Variants in TSC22D1 observed in about 807,000 individuals in gnomAD.
TSC22D1 encodes the protein TSC22 domain family member 1.
A neutral mutation model predicts 74.2 loss-of-function variants in TSC22D1; 9 were observed. The ratio of observed to expected loss-of-function variants is 0.12; its 90% confidence interval spans 0.07 to 0.21. The LOEUF (loss-of-function observed/expected upper bound fraction) is 0.21. Among genes scored for constraint, TSC22D1 ranks in the 10% least tolerant of loss-of-function variants. The pLI is 1.00. For missense variants in TSC22D1, 1,427 were observed against 1,304.7 expected, an observed-to-expected ratio of 1.09 and a Z score of -1.44; for synonymous variants, 586 against 492.5, an observed-to-expected ratio of 1.19 and a Z score of -2.51.
chr13:44,464,947 T>A (rs1393807959), intron 1 of TSC22D1, among the ~76,000 whole-genome samples: 2 of 151,958 alleles, frequency 1.3e-5, no homozygotes, highest in Non-Finnish European at 2.9e-5. Flanking sequence ...GTGTATTTTT[T>A]AATACCTACC....
rs770844157 is a variant in TSC22D1, at chr13:44,576,099, G to A, written c.-25C>T. ...TTGTGTTGGGTACCGGGGGCGCGGA[G>A]GAGACGAGTGCAATTTCCTTCTGCA... On this transcript the variant is annotated 5_prime_UTR_variant, in exon 1 of 3. Coordinates refer to ENST00000458659, the MANE Select transcript of TSC22D1 (RefSeq NM_183422.4). 4 of 1,492,252 alleles carry A rather than the reference G, an allele frequency of 2.7e-6. No homozygotes were observed. The highest frequency in any genetic ancestry group is 2.4e-5 in the East Asian group (1 of 41,624). The allele number at this position is 1,492,252 out of a possible 1,614,324, so 92.4% of individuals were successfully genotyped here.
Position 44,452,446 on chromosome 13 carries a change from G to A in TSC22D1, c.2913-16351C>T, listed in dbSNP as rs141139910. 2.9e-3 allele frequency among the ~76,000 whole-genome samples: 449 copies of A among 152,304 alleles called. 3 individuals carry two copies. The highest frequency in any genetic ancestry group is 9.5e-3 in the African/African-American group (393 of 41,570). On this transcript the variant is annotated intron_variant, in intron 1 of 2. Transcript: ENST00000458659. ...GTGGATGACACCCTACAGTGGGCAC[G>A]AGGGTGAGGGCAATCATATTTGCCA...
chr13:44,545,659 A>C (rs1053488109), intron 1 of TSC22D1, among the ~76,000 whole-genome samples: 1 of 151,660 alleles, frequency 6.6e-6, no homozygotes, highest in Non-Finnish European at 1.5e-5. Flanking sequence ...CGTTCATAAG[A>C]GTGCACTTAG....
intron 1 of TSC22D1, among the ~76,000 whole-genome samples, chr13:44,453,277 G>C (rs1876302345): frequency 1.4e-5 from 1 of 72,290 alleles, no homozygotes; most frequent in Non-Finnish European, 2.8e-5. Flanking sequence ...GCCACTCCTC[G>C]TTTCTGCTTA....
chr13:44,446,520 C>T (rs1262327393), intron 1 of TSC22D1, among the ~76,000 whole-genome samples: 3 of 152,084 alleles, frequency 2.0e-5, no homozygotes, highest in Non-Finnish European at 2.9e-5. Flanking sequence ...GGCTGAAAGG[C>T]TACCTATGAG....
At chr13:44,540,748 A>G (rs1566162171) in intron 1 of TSC22D1, among the ~76,000 whole-genome samples, 1 of 152,326 alleles carries the variant, frequency 6.6e-6, no homozygotes, top group African/African-American at 2.4e-5. Flanking sequence ...ATAGGAATAA[A>G]TAAGAGAAGG....
At chr13:44,452,093 G>C (rs1008194887) in intron 1 of TSC22D1, among the ~76,000 whole-genome samples, 2 of 152,310 alleles carry the variant, frequency 1.3e-5, no homozygotes, top group African/African-American at 4.8e-5. Context: ...CGACTTGACA[G>C]AAGAGGAGAA....
At chr13:44,452,070 C>G (rs945491253) in intron 1 of TSC22D1, among the ~76,000 whole-genome samples, 6 of 152,196 alleles carry the variant, frequency 3.9e-5, no homozygotes, top group Admixed American at 3.3e-4. Context: ...TTGCTAGAGA[C>G]ACAAGCTTAG....
chr13:44,444,524 G>T (rs1875482128), intron 1 of TSC22D1, among the ~76,000 whole-genome samples: 2 of 151,640 alleles, frequency 1.3e-5, no homozygotes, highest in South Asian at 4.2e-4. Context: ...GAAAGCTGAG[G>T]TGGCTATATT....
intron 1 of TSC22D1, among the ~76,000 whole-genome samples, chr13:44,521,572 A>G (rs1221075468): frequency 6.6e-6 from 1 of 151,958 alleles, no homozygotes; most frequent in East Asian, 1.9e-4. Context: ...TAAAGGGGGT[A>G]TATGTTGTGA....
intron 1 of TSC22D1, among the ~76,000 whole-genome samples, chr13:44,511,949 CA>C (rs1402394389): frequency 1.3e-5 from 2 of 152,242 alleles, no homozygotes; most frequent in African/African-American, 4.8e-5. Flanking sequence ...CCAATGCTCC[CA>C]AAAGTTGTAC....
chr13:44,531,364 A>T (rs2138064891), intron 1 of TSC22D1, among the ~76,000 whole-genome samples: 1 of 152,320 alleles, frequency 6.6e-6, no homozygotes, highest in South Asian at 2.1e-4. Flanking sequence ...CAAATGCATT[A>T]TCAATGGTGT....
At chr13:44,483,488 C>A (rs1194837624) in intron 1 of TSC22D1, among the ~76,000 whole-genome samples, 2 of 151,854 alleles carry the variant, frequency 1.3e-5, no homozygotes, top group African/African-American at 4.8e-5. Context: ...AGTGAAACGC[C>A]GTCTCTACTA....
chr13:44,574,637 A>G lies in TSC22D1; in HGVS notation c.1438T>C (p.Tyr480His). The G allele has an allele frequency of 6.2e-7, 1 of 1,614,032 alleles. No individual in the cohort carries two copies. Among genetic ancestry groups the G allele is most frequent in the Non-Finnish European group, 8.5e-7 (1 of 1,180,020 alleles). The change falls in exon 1 of 3, where the codon TAT becomes CAT. Residue 480 changes from tyrosine to histidine, a missense_variant. Tyr to His is a moderately conservative substitution (Grantham distance 83). Around this residue, in one of 3 missense-constraint regions of TSC22D1, gnomAD observed 1,343 missense variants for 1,191.5 expected, o/e 1.13. Coordinates refer to ENST00000458659, the MANE Select transcript of TSC22D1 (RefSeq NM_183422.4). ...TCTCCACTTCCCACACTCTCTGTAT[A>G]GTGACTCAGTGTGCTGACACTACTG... is the stretch of plus-strand genomic sequence containing the variant. ...VSSSVSTLSH[Y>H]TESVGSGEMG... is the part of the protein sequence containing the mutation.
rs143299752 is a variant in TSC22D1 at position 44,573,805 on chromosome 13, C to T, written c.2270G>A (p.Gly757Asp). 4 of 1,614,116 alleles carry T rather than the reference C, an allele frequency of 2.5e-6. No individual in the cohort carries two copies. The African/African-American group carries it at 4.0e-5, about 16-fold the overall frequency. Reference protein sequence around the residue: ...TQVPPSVIQQGAPPSSQVVPP... With the variant: ...TQVPPSVIQQDAPPSSQVVPP... Reference sequence around the variant, plus strand: ...AACCACTTGCGAAGATGGAGGAGCACCCTGCTGAATAACTGAAGGTGGAAC... The same window carrying T: ...AACCACTTGCGAAGATGGAGGAGCATCCTGCTGAATAACTGAAGGTGGAAC... The change falls in exon 1 of 3, where the codon GGT (glycine) becomes GAT (aspartate). Residue 757 changes from glycine (G) to aspartate (D), a missense_variant. Transcript: ENST00000458659.
intron 1 of TSC22D1, chr13:44,437,305 G>A (rs1490914769): frequency 3.1e-6 from 3 of 970,734 alleles, no homozygotes; most frequent in East Asian, 2.3e-4. Flanking sequence ...AAGACTTCGA[G>A]TGTCTTGATT....
chr13:44,537,812 C>T (rs1054959027), intron 1 of TSC22D1: 6 of 984,876 alleles, frequency 6.1e-6, no homozygotes, highest in Non-Finnish European at 7.2e-6. Context: ...CCAAGAAAGA[C>T]TAAGTGCAGG....
In TSC22D1 at chr13:44,434,197, G is replaced by A; in HGVS notation, c.*429C>T. Reference sequence around the variant, plus strand: ...TTACCCTCCTTTCAAGTTCCTCCTGGGGGGAGGAGAGGAGAGAGGCGAGTC... The same window carrying A: ...TTACCCTCCTTTCAAGTTCCTCCTGAGGGGAGGAGAGGAGAGAGGCGAGTC... On this transcript the variant is annotated 3_prime_UTR_variant, in exon 3 of 3. Transcript: ENST00000458659. 4.1e-6 allele frequency: 6 copies of A among 1,457,584 alleles called. No individual in the cohort carries two copies. The highest frequency in any genetic ancestry group is 2.9e-5 in the South Asian group (2 of 69,934). 90.3% of individuals were successfully genotyped at this position (1,457,584 alleles called of 1,614,324 possible). A position where few individuals can be genotyped will look rare whatever the true frequency, so the allele number is the denominator to read the frequency against.
chr13:44,453,805 T>A (rs573797769), intron 1 of TSC22D1, among the ~76,000 whole-genome samples: 3 of 152,228 alleles, frequency 2.0e-5, no homozygotes, highest in Non-Finnish European at 2.9e-5. Flanking sequence ...AATATACAGA[T>A]TTATCAGAGT....
Sources: gnomAD v4.1 joint callset for allele counts (sites outside exome capture counted in the v4.1 genomes callset) on GRCh38, gnomAD v4.1.1 for gene constraint, gnomAD v4.1.1 regional missense constraint, MANE v1.5 for transcripts, NCBI Gene and HGNC (gene_info 2026-07-23, HGNC 2026-07-21) for gene names.